The following NRXN3 variants were observed in gnomAD, a reference collection of about 807,000 sequenced individuals.
The protein encoded by NRXN3 is neurexin 3.
A neutral mutation model predicts 137.6 loss-of-function variants in NRXN3; 32 were observed. That is an observed-to-expected ratio of 0.23 (90% CI 0.18 to 0.31). The LOEUF is 0.31. Among genes scored for constraint, NRXN3 ranks in the 10% least tolerant of loss-of-function variants. NRXN3 has a pLI of 1.00. For missense variants in NRXN3, 1,574 were observed against 2,062.5 expected (o/e 0.76, Z 4.59); for synonymous variants, 798 against 784.5 (o/e 1.02, Z -0.29).
At chr14:79,361,391 C>T (rs2093675390) in intron 15 of NRXN3, among the ~76,000 whole-genome samples, 1 of 152,060 alleles carries the variant, frequency 6.6e-6, no homozygotes, top group African/African-American at 2.4e-5. Context: ...AATGCTTTCT[C>T]CCTTCCTCTG....
intron 8 of NRXN3, among the ~76,000 whole-genome samples, chr14:78,728,752 T>G (rs910336848): frequency 1.3e-5 from 2 of 151,996 alleles, no homozygotes; most frequent in African/African-American, 4.8e-5. Context: ...CCAAAAAAAT[T>G]AGCCAGGCAT....
At chr14:79,176,934 G>A (rs145069914) in intron 15 of NRXN3, among the ~76,000 whole-genome samples, 10 of 152,304 alleles carry the variant, frequency 6.6e-5, no homozygotes, top group Non-Finnish European at 1.2e-4. Context: ...AGCATTGTTG[G>A]ATGGATAGAT....
At chr14:79,642,599 G>A (rs984285047) in intron 16 of NRXN3, among the ~76,000 whole-genome samples, 1 of 134,076 alleles carries the variant, frequency 7.5e-6, no homozygotes, top group Non-Finnish European at 1.7e-5. Flanking sequence ...AAAGGACATG[G>A]TTCTGTGGCC....
At chr14:79,308,034 C>T (rs1471960970) in intron 15 of NRXN3, among the ~76,000 whole-genome samples, 1 of 152,060 alleles carries the variant, frequency 6.6e-6, no homozygotes, top group Non-Finnish European at 1.5e-5. Flanking sequence ...GGACTTTCTT[C>T]TGTCTCTGTG....
At chr14:79,276,806 A>G (rs541433569) in intron 15 of NRXN3, among the ~76,000 whole-genome samples, 53 of 152,302 alleles carry the variant, frequency 3.5e-4, no homozygotes, top group African/African-American at 1.2e-3. Context: ...TGCTAAAGCC[A>G]GACAAACGCA....
chr14:78,747,201 G>A (rs1181318479), intron 8 of NRXN3, among the ~76,000 whole-genome samples: 2 of 152,130 alleles, frequency 1.3e-5, no homozygotes, highest in African/African-American at 4.8e-5. Context: ...CGTGAACTTC[G>A]GGACTAAGAC....
At chr14:79,773,241 C>G (rs1445179139) in intron 19 of NRXN3, among the ~76,000 whole-genome samples, 2 of 152,100 alleles carry the variant, frequency 1.3e-5, no homozygotes, top group South Asian at 2.1e-4. Context: ...GGATCAAGAA[C>G]TAGAAATACC....
chr14:78,245,241 T>G (rs747463253), intron 2 of NRXN3, among the ~76,000 whole-genome samples: 1 of 152,164 alleles, frequency 6.6e-6, no homozygotes, highest in Non-Finnish European at 1.5e-5. Context: ...GGTTCTCAAT[T>G]TAGCTGCATG....
At chr14:79,371,056 G>GA (rs1253594276) in intron 15 of NRXN3, among the ~76,000 whole-genome samples, 1 of 152,082 alleles carries the variant, frequency 6.6e-6, no homozygotes, top group East Asian at 1.9e-4. Flanking sequence ...TATTGTGTGA[G>GA]AAAAATGGCA....
intron 4 of NRXN3, among the ~76,000 whole-genome samples, chr14:78,632,673 A>G (rs1009483316): frequency 2.6e-5 from 4 of 152,238 alleles, no homozygotes; most frequent in African/African-American, 9.6e-5. Flanking sequence ...TGTGAGGGAT[A>G]AATAAGAAAT....
chr14:79,186,019 C>T (rs898826633), intron 15 of NRXN3, among the ~76,000 whole-genome samples: 1 of 152,126 alleles, frequency 6.6e-6, no homozygotes, highest in Non-Finnish European at 1.5e-5. Context: ...TCTGTCTGAC[C>T]TTGAGAAGTT....
rs1280484529 is a variant in NRXN3, at chr14:79,157,157, A to G, written c.3262+169016A>G. ...GGTTCCTTCTCTGCTTAGAGACAGG[A>G]CATGCTTAGAACCCTTTGGGTCTTA... On this transcript the variant is annotated intron_variant, in intron 15 of 20. Transcript: ENST00000335750. 2.6e-5 allele frequency among the ~76,000 whole-genome samples: 4 copies of G among 151,928 alleles called. 1 individual carries two copies. Among genetic ancestry groups the G allele is most frequent in the African/African-American group, 9.6e-5 (4 of 41,514 alleles).
At chr14:79,255,769 T>C (rs1012208075) in intron 15 of NRXN3, among the ~76,000 whole-genome samples, 1 of 152,236 alleles carries the variant, frequency 6.6e-6, no homozygotes, top group African/African-American at 2.4e-5. Flanking sequence ...ATGGTAATTG[T>C]GATCATTATC....
At chr14:79,629,548 G>C (rs1338530557) in intron 16 of NRXN3, among the ~76,000 whole-genome samples, 1 of 152,084 alleles carries the variant, frequency 6.6e-6, no homozygotes, top group African/African-American at 2.4e-5. Context: ...AATCATGGTG[G>C]GGGGTAGGGT....
rs148490592 is a variant in NRXN3, at chr14:78,241,426, C to T, written c.-703-965C>T. Among the ~76,000 whole-genome samples, 937 of 152,146 alleles carry T rather than the reference C, an allele frequency of 6.2e-3. 10 individuals are homozygous for T. Among genetic ancestry groups the T allele is most frequent in the African/African-American group, 0.022 (903 of 41,496 alleles). On this transcript the variant is annotated intron_variant, in intron 1 of 20. Coordinates refer to ENST00000335750, the MANE Select transcript of NRXN3 (RefSeq NM_001330195.2). ...GGGGAGATCAGAAGTTTGAGACCAGCCTGGGCAACATGATGAAACTCCGTC... is the reference window on the plus strand; with the variant it reads ...GGGGAGATCAGAAGTTTGAGACCAGTCTGGGCAACATGATGAAACTCCGTC...
At position 78,953,479 on chromosome 14, in the gene NRXN3, T is replaced by C. The variant is rs898074628; in HGVS notation, c.2276-3763T>C. Among the ~76,000 whole-genome samples, 6 of 152,338 alleles carry C rather than the reference T, an allele frequency of 3.9e-5. No homozygotes were observed. The East Asian group carries it at 9.6e-4, about 24-fold the overall frequency. ...GAAGCAAAGCCTTACCTCAAAGAGA[T>C]GGTGCTAAATGAGTTTTCAATGAGG... On this transcript the variant is annotated intron_variant, in intron 10 of 20. Transcript: ENST00000335750.
At chr14:79,425,627 G>A (rs1038092061) in intron 15 of NRXN3, among the ~76,000 whole-genome samples, 4 of 152,050 alleles carry the variant, frequency 2.6e-5, no homozygotes, top group African/African-American at 7.2e-5. Context: ...CTAGAGATCC[G>A]AAAAGTAAAC....
chr14:78,221,225 G>A (rs1464937973), intron 1 of NRXN3, among the ~76,000 whole-genome samples: 1 of 152,252 alleles, frequency 6.6e-6, no homozygotes, highest in African/African-American at 2.4e-5. Context: ...TAGACTGTGA[G>A]TGAAGAGATT....
At position 79,343,891 on chromosome 14, in the gene NRXN3, G is replaced by A. The variant is rs1197339143; in HGVS notation, c.3263-123330G>A. On this transcript the variant is annotated intron_variant, in intron 15 of 20. Coordinates refer to ENST00000335750, the MANE Select transcript of NRXN3 (RefSeq NM_001330195.2). ...TAGGCTCAAGCAATCCTCCTGCCTCGGCCTCCCAAAGTGCTGGGATTACAG... is the reference window on the plus strand; with the variant it reads ...TAGGCTCAAGCAATCCTCCTGCCTCAGCCTCCCAAAGTGCTGGGATTACAG... 3.9e-5 allele frequency among the ~76,000 whole-genome samples: 6 copies of A among 151,930 alleles called. No individual in the cohort carries two copies. The East Asian group carries it at 5.8e-4, about 15-fold the overall frequency.
Sources: gnomAD v4.1 joint callset for allele counts (sites outside exome capture counted in the v4.1 genomes callset) on GRCh38, gnomAD v4.1.1 for gene constraint, MANE v1.5 for transcripts, NCBI Gene and HGNC (gene_info 2026-07-23, HGNC 2026-07-21) for gene names.